The following CEP170 variants were observed in gnomAD, a reference collection of about 807,000 sequenced individuals.
CEP170 encodes centrosomal protein of 170 kDa.
In CEP170, 21 loss-of-function variants were observed where a neutral mutation model predicts 151.9. The ratio of observed to expected loss-of-function variants is 0.14; its 90% CI spans 0.10 to 0.20. The LOEUF (loss-of-function observed/expected upper bound fraction) is 0.20. Among genes scored for constraint, CEP170 ranks in the 10% least tolerant of loss-of-function variants. The pLI, the probability that CEP170 is intolerant of heterozygous loss-of-function variation, is 1.00. For missense variants in CEP170, 964 were observed against 1,892.9 expected, an observed-to-expected ratio of 0.51 and a Z score of 9.11; for synonymous variants, 356 against 648.8, an observed-to-expected ratio of 0.55 and a Z score of 6.86.
At chr1:243,228,367 C>T (rs2063469270) in intron 1 of CEP170, among the ~76,000 whole-genome samples, 1 of 152,116 alleles carries the variant, frequency 6.6e-6, no homozygotes, top group Non-Finnish European at 1.5e-5. Flanking sequence ...ATTAAATCTC[C>T]CATTTACTCA....
chr1:243,218,407 C>A (rs2062499327), intron 3 of CEP170, among the ~76,000 whole-genome samples: 1 of 152,344 alleles, frequency 6.6e-6, no homozygotes, highest in South Asian at 2.1e-4. Context: ...TGAAGGCAAA[C>A]AGGGGTTCCC....
chr1:243,138,359 AGTATACTTCAGTT>A (rs994076135), intron 16 of CEP170, among the ~76,000 whole-genome samples: 4 of 149,802 alleles, frequency 2.7e-5, no homozygotes, highest in Admixed American at 2.7e-4. Context: ...AAAACGTTTT[AGTATACTTCAGTT>A]GTAACTTTCG....
intron 15 of CEP170, among the ~76,000 whole-genome samples, chr1:243,141,957 G>C (rs555116537): frequency 5.3e-5 from 8 of 152,034 alleles, no homozygotes; most frequent in Non-Finnish European, 1.2e-4. Flanking sequence ...TTTTTAATTG[G>C]AGCATTTTCA....
intron 7 of CEP170, among the ~76,000 whole-genome samples, chr1:243,193,630 CT>C (rs1572177542): frequency 1.3e-5 from 2 of 152,148 alleles, no homozygotes; most frequent in African/African-American, 4.8e-5. Context: ...AAGCTAGAAA[CT>C]TGAGACTTAT....
intron 10 of CEP170, among the ~76,000 whole-genome samples, chr1:243,184,081 T>G (rs1372856187): frequency 3.3e-5 from 5 of 152,286 alleles, no homozygotes; most frequent in Admixed American, 3.3e-4. Context: ...CAGTACTTTA[T>G]GTAGAGATTC....
Position 243,186,024 on chromosome 1 carries a change from A to G in CEP170, c.1321T>C (p.Leu441=), listed in dbSNP as rs2970425. 1.4e-5 allele frequency: 22 copies of G among 1,613,598 alleles called. No homozygotes were observed. Among genetic ancestry groups the G allele is most frequent in the Middle Eastern group, 1.6e-4 (1 of 6,076 alleles). The part of the protein sequence containing the change: ...RGGHGVPHGK[L]LKQKSEEPSV... The stretch of plus-strand genomic sequence containing the variant: ...GGCTCCTCTGATTTCTGTTTTAACA[A>G]TTTCCCATGTGGAACACCATGCCCC... The change falls in exon 10 of 20, where the codon TTG becomes CTG. Residue 441 remains leucine (L), a synonymous_variant. Coordinates refer to ENST00000366542, the MANE Select transcript of CEP170 (RefSeq NM_014812.3).
chr1:243,237,732 C>T (rs990705393), intron 1 of CEP170, among the ~76,000 whole-genome samples: 9 of 151,958 alleles, frequency 5.9e-5, no homozygotes, highest in Non-Finnish European at 1.3e-4. Context: ...GTGAAACCCC[C>T]GTCTCTACTA....
intron 3 of CEP170, 192 bp downstream of exon 3, chr1:243,221,532 A>G: frequency 1.9e-6 from 1 of 535,188 alleles, no homozygotes; most frequent in Non-Finnish European, 3.3e-6. Context: ...ATCTGCTTAT[A>G]GTTTCTTTGG....
intron 14 of CEP170, among the ~76,000 whole-genome samples, chr1:243,146,941 C>T (rs2148368286): frequency 6.6e-6 from 1 of 151,902 alleles, no homozygotes; most frequent in South Asian, 2.1e-4. Flanking sequence ...CCAGTAAAGA[C>T]CAATTGTGAA....
At chr1:243,163,358 C>T (rs2058213301) in intron 13 of CEP170, 2 of 152,218 alleles carry the variant, frequency 1.3e-5, no homozygotes, top group African/African-American at 2.4e-5. Context: ...GCAGCCACGT[C>T]CACATATGAG....
chr1:243,186,520 C>A, intron 8 of CEP170, 98 bp from the exon 9 acceptor site: 1 of 1,270,660 alleles, frequency 7.9e-7, no homozygotes, highest in Non-Finnish European at 1.1e-6. Flanking sequence ...CTCCCCTCCT[C>A]CTTTTCAATC....
intron 16 of CEP170, 105 bp from the exon 17 acceptor site, chr1:243,136,336 T>G: frequency 1.1e-6 from 1 of 903,294 alleles, no homozygotes; most frequent in Non-Finnish European, 1.7e-6. Flanking sequence ...CAGTTAGTAT[T>G]TATGCTTATT....
At chr1:243,131,435 C>T (rs1558363485) in intron 17 of CEP170, among the ~76,000 whole-genome samples, 1 of 151,898 alleles carries the variant, frequency 6.6e-6, no homozygotes, top group East Asian at 1.9e-4. Flanking sequence ...CGAGGCTGCA[C>T]TGAGTGAGTG....
In CEP170 at chr1:243,165,544, C is replaced by T; in HGVS notation, c.2416G>A (p.Glu806Lys). Residue 806 changes from glutamate to lysine, a missense_variant, in exon 13 of 20, where the codon GAG becomes AAG. By Grantham distance (56) the Glu-to-Lys change is moderately conservative. Coordinates refer to ENST00000366542, the MANE Select transcript of CEP170 (RefSeq NM_014812.3). Reference sequence around the variant, plus strand: ...TCCTCAGCTTTTCTTCTCTTGCTCTCACTTTGTGCCACTCTGTCTCCTTTG... The same window carrying T: ...TCCTCAGCTTTTCTTCTCTTGCTCTTACTTTGTGCCACTCTGTCTCCTTTG... Reference protein sequence around the residue: ...TSKGDRVAQSESKRRKAEEIL... With the variant: ...TSKGDRVAQSKSKRRKAEEIL... 4 of 1,613,560 alleles carry T rather than the reference C, an allele frequency of 2.5e-6. No individual in the cohort carries two copies. The highest frequency in any genetic ancestry group is 3.4e-6 in the Non-Finnish European group (4 of 1,179,814).
chr1:243,232,601 C>T (rs758336852), intron 1 of CEP170, among the ~76,000 whole-genome samples: 3 of 152,190 alleles, frequency 2.0e-5, no homozygotes, highest in Non-Finnish European at 4.4e-5. Context: ...GCAAAACTGT[C>T]TTCCTCCATT....
Position 243,125,140 on chromosome 1 carries a change from T to C in CEP170, c.*1309A>G, listed in dbSNP as rs1175874589. The C allele has an allele frequency of 6.6e-6, 1 of 152,098 alleles. No individual in the cohort carries two copies. The highest frequency in any genetic ancestry group is 1.5e-5 in the Non-Finnish European group (1 of 67,994). The allele number at this position is 152,098 out of a possible 1,614,324, so 9.4% of individuals were successfully genotyped here. The stretch of plus-strand genomic sequence containing the variant: ...ATGGGGTCAAGGGGGAAAATCCAGG[T>C]CTACTAATAATATTTAACTGAATTA... On this transcript the variant is annotated 3_prime_UTR_variant, in exon 20 of 20. Transcript: ENST00000366542.
chr1:243,244,357 TCACACACACA>T (rs36023097), intron 1 of CEP170, among the ~76,000 whole-genome samples: 1 of 150,142 alleles, frequency 6.7e-6, no homozygotes, highest in African/African-American at 2.5e-5. Context: ...GCTCCTTGTA[TCACACACACA>T]CACACACACA....
chr1:243,134,108 T>C (rs1034531006), intron 17 of CEP170, among the ~76,000 whole-genome samples: 2 of 152,044 alleles, frequency 1.3e-5, no homozygotes, highest in African/African-American at 4.8e-5. Context: ...AAATAGAAAA[T>C]GTGGGTAGTA....
At chr1:243,128,478 T>C in intron 18 of CEP170, 178 bp from the exon 19 acceptor site, 1 of 528,928 alleles carries the variant, frequency 1.9e-6, no homozygotes, top group Non-Finnish European at 3.2e-6. Flanking sequence ...AGATTCAAAT[T>C]AAAATATTTA....
Sources: allele counts gnomAD v4.1 joint callset (sites outside exome capture counted in the v4.1 genomes callset), GRCh38; gene constraint gnomAD v4.1.1; transcripts MANE v1.5; gene names NCBI Gene and HGNC (gene_info 2026-07-23, HGNC 2026-07-21).